Variants in GCSH observed in about 807,000 individuals in gnomAD.
GCSH encodes glycine cleavage system H protein, mitochondrial.
Under a neutral mutation model 21.3 loss-of-function variants are expected in GCSH, and 15 were observed. That is an observed-to-expected ratio of 0.70 (90% CI 0.47 to 1.08). The LOEUF is 1.08. GCSH is among the 50% of genes least tolerant of loss of function. The probability of loss-of-function intolerance (pLI) is 0.00; values close to 1 mark genes in which losing one functional copy is unlikely to be tolerated. For synonymous variants in GCSH, 59 were observed against 84.5 expected, an observed-to-expected ratio of 0.70 and a Z score of 1.66; for missense variants, 179 against 217.5, an observed-to-expected ratio of 0.82 and a Z score of 1.11.
At chr16:81,083,387 A>G (rs8177945) in intron 4 of GCSH, 21,568 of 215,096 alleles carry the variant, frequency 0.1, 1,213 homozygotes, top group East Asian at 0.2. Flanking sequence ...GCGTGGTGGC[A>G]GTTGCCCTTG....
At chr16:81,092,700 G>C (rs1972420836) in intron 1 of GCSH, among the ~76,000 whole-genome samples, 1 of 151,466 alleles carries the variant, frequency 6.6e-6, no homozygotes, top group Non-Finnish European at 1.5e-5. Flanking sequence ...CTGAGATCAC[G>C]CCACTGCACT....
At position 81,096,206 on chromosome 16, in the gene GCSH, G is replaced by A. The variant is rs533447730; in HGVS notation, c.73C>T (p.Pro25Ser). 51 of 1,318,758 alleles carry A rather than the reference G, an allele frequency of 3.9e-5. No homozygotes were observed. In the South Asian group the frequency reaches 9.7e-4, roughly 25 times the overall value. The allele number at this position is 1,318,758 out of a possible 1,614,324, so 81.7% of individuals were successfully genotyped here. The change falls in exon 1 of 5, where the codon CCC becomes TCC. Residue 25 changes from proline to serine, a missense_variant. Pro to Ser is a moderately conservative substitution (Grantham distance 74). Transcript: ENST00000315467. ...AGCTGCCAGGGCCTCGGCGGGCAGG[G>A]CGCGGCGGGTGACGGGACCGCGCGC... ...TLRAVPSPAA[P>S]CPPRPWQLGV... is the part of the protein sequence containing the mutation.
Position 81,082,460 on chromosome 16 carries a change from T to G in GCSH, c.*406A>C. ...GACACTGTACAAGCAACAAAACCTC[T>G]TCACTTCCAGTTATTTCCAATGGAA... On this transcript the variant is annotated 3_prime_UTR_variant, in exon 5 of 5. Transcript: ENST00000315467. 2 of 392,444 alleles carry G rather than the reference T, an allele frequency of 5.1e-6. No homozygotes were observed. The highest frequency in any genetic ancestry group is 1.0e-5 in the Non-Finnish European group (2 of 200,782). 24.3% of individuals were successfully genotyped at this position (392,444 alleles called of 1,614,324 possible).
Position 81,082,079 on chromosome 16 carries a change from T to C in GCSH, c.*787A>G, listed in dbSNP as rs1972174788. On this transcript the variant is annotated 3_prime_UTR_variant, in exon 5 of 5. Coordinates refer to ENST00000315467, the MANE Select transcript of GCSH (RefSeq NM_004483.5). ...CTTCCACCTTCCTCTGTCTTTCCTCTTCTTTCTTCAGACCTCGCATGATAG... is the reference window on the plus strand; with the variant it reads ...CTTCCACCTTCCTCTGTCTTTCCTCCTCTTTCTTCAGACCTCGCATGATAG... 8.8e-6 allele frequency: 4 copies of C among 454,148 alleles called. No individual in the cohort carries two copies. Among genetic ancestry groups the C allele is most frequent in the South Asian group, 3.1e-5 (2 of 64,482 alleles). The allele number at this position is 454,148 out of a possible 1,614,324, so 28.1% of individuals were successfully genotyped here.
Position 81,084,359 on chromosome 16 carries a change from A to C in GCSH, c.424+104T>G, listed in dbSNP as rs750159185. 109 of 864,914 alleles carry C rather than the reference A, an allele frequency of 1.3e-4. 1 individual carries two copies. The highest frequency in any genetic ancestry group is 2.1e-4 in the Non-Finnish European group (105 of 505,130). 53.6% of individuals were successfully genotyped at this position (864,914 alleles called of 1,614,324 possible). ...CAGAACATCTCTATTTAGTACCAAG[A>C]AGTAGAAAAAGATGAAGTCACAATC... On this transcript the variant is annotated intron_variant, in intron 4 of 4. Coordinates refer to ENST00000315467, the MANE Select transcript of GCSH (RefSeq NM_004483.5).
At chr16:81,089,892 A>G (rs1972363900) in intron 2 of GCSH, among the ~76,000 whole-genome samples, 1 of 152,196 alleles carries the variant, frequency 6.6e-6, no homozygotes, top group East Asian at 1.9e-4. Flanking sequence ...CACTGGACCC[A>G]CAAAATGGTG....
At chr16:81,096,107 C>T (rs942375866) in intron 1 of GCSH, 24 bp downstream of exon 1, 3 of 1,244,186 alleles carry the variant, frequency 2.4e-6, no homozygotes, top group Admixed American at 4.2e-5. Context: ...AGGGAGCAGC[C>T]GCCCACGTGC....
chr16:81,090,700 T>C lies in GCSH; in HGVS notation c.149-20A>G. 1 of 1,557,234 alleles carries C rather than the reference T, an allele frequency of 6.4e-7. No individual in the cohort carries two copies. Among genetic ancestry groups the C allele is most frequent in the Non-Finnish European group, 8.9e-7 (1 of 1,127,974 alleles). On this transcript the variant is annotated intron_variant, in intron 1 of 4. Transcript: ENST00000315467. ...TACGCACTAAAACAGAAGACCAACA[T>C]TTCAGAAAAGCAGTAGCATTACTTC...
intron 1 of GCSH, 129 bp from the exon 2 acceptor site, chr16:81,090,809 T>C (rs1972384121): frequency 4.1e-6 from 3 of 726,928 alleles, no homozygotes; most frequent in South Asian, 1.4e-5. Context: ...CTTTAAATAG[T>C]GCATGGCTCA....
At chr16:81,085,159 C>T (rs1484213162) in intron 3 of GCSH, among the ~76,000 whole-genome samples, 2 of 151,642 alleles carry the variant, frequency 1.3e-5, no homozygotes, top group African/African-American at 2.4e-5. Context: ...GGATTACAGG[C>T]GCGCACCACC....
At chr16:81,095,748 G>T (rs1296495484) in intron 1 of GCSH, among the ~76,000 whole-genome samples, 3 of 152,128 alleles carry the variant, frequency 2.0e-5, no homozygotes, top group Non-Finnish European at 4.4e-5. Flanking sequence ...TCCCCATTTG[G>T]GGTCTCAACG....
At chr16:81,090,718 A>T (rs1037096657) in intron 1 of GCSH, 38 bp from the exon 2 acceptor site, 21 of 1,393,442 alleles carry the variant, frequency 1.5e-5, no homozygotes, top group African/African-American at 2.8e-5. Context: ...AAGCAGTAGC[A>T]TTACTTCTTA....
chr16:81,084,295 ACTTT>A, intron 4 of GCSH, 164 bp downstream of exon 4: 2 of 688,862 alleles, frequency 2.9e-6, no homozygotes, highest in Non-Finnish European at 5.2e-6. Context: ...CTTAAACATA[ACTTT>A]AAGTATTCAA....
At position 81,096,311 on chromosome 16, in the gene GCSH, C is replaced by G. The variant is rs1408273516; in HGVS notation, c.-33G>C. On this transcript the variant is annotated 5_prime_UTR_variant, in exon 1 of 5. Transcript: ENST00000315467. Reference sequence around the variant, plus strand: ...GGGGTGCGGGGGTCGCAGCGCTACGCCTCGGCCACCCGCGCCGGGAGGCGG... The same window carrying G: ...GGGGTGCGGGGGTCGCAGCGCTACGGCTCGGCCACCCGCGCCGGGAGGCGG... 2.2e-6 allele frequency: 3 copies of G among 1,349,554 alleles called. No individual in the cohort carries two copies. Among genetic ancestry groups the G allele is most frequent in the Non-Finnish European group, 2.8e-6 (3 of 1,056,184 alleles). 83.6% of individuals were successfully genotyped at this position (1,349,554 alleles called of 1,614,324 possible).
chr16:81,083,087 G>T, intron 4 of GCSH, 124 bp from the exon 5 acceptor site: 1 of 741,648 alleles, frequency 1.3e-6, no homozygotes, highest in Non-Finnish European at 2.5e-6. Context: ...TACATTATTT[G>T]TTCATAGAAC....
intron 1 of GCSH, among the ~76,000 whole-genome samples, chr16:81,094,621 A>C (rs1169658735): frequency 6.6e-6 from 1 of 152,202 alleles, no homozygotes; most frequent in Non-Finnish European, 1.5e-5. Flanking sequence ...TCAGAAACAG[A>C]GCGGACAGAC....
intron 1 of GCSH, among the ~76,000 whole-genome samples, chr16:81,095,503 C>T (rs965817518): frequency 6.6e-6 from 1 of 151,920 alleles, no homozygotes; most frequent in East Asian, 1.9e-4. Flanking sequence ...CTGCCTCAGC[C>T]TCCCGAGTAG....
intron 3 of GCSH, among the ~76,000 whole-genome samples, chr16:81,085,697 A>G (rs1208176942): frequency 6.6e-6 from 1 of 151,826 alleles, no homozygotes; most frequent in Non-Finnish European, 1.5e-5. Flanking sequence ...GGTCTCTACT[A>G]AAATACAAAA....
At chr16:81,089,026 C>T (rs1362377812) in intron 2 of GCSH, among the ~76,000 whole-genome samples, 2 of 152,186 alleles carry the variant, frequency 1.3e-5, no homozygotes, top group African/African-American at 4.8e-5. Context: ...CAACACTGGG[C>T]CTCATAGTAG....
Sources: gnomAD v4.1 joint callset for allele counts (sites outside exome capture counted in the v4.1 genomes callset) on GRCh38, gnomAD v4.1.1 for gene constraint, MANE v1.5 for transcripts, NCBI Gene and HGNC (gene_info 2026-07-23, HGNC 2026-07-21) for gene names.